Variants in SLC9A9 observed in about 807,000 individuals in gnomAD.
SLC9A9 encodes sodium/hydrogen exchanger 9.
Under a neutral mutation model 77.8 loss-of-function variants are expected in SLC9A9, and 62 were observed. That is an observed-to-expected ratio of 0.80 (90% CI 0.65 to 0.98). The LOEUF (loss-of-function observed/expected upper bound fraction) is 0.98. SLC9A9 is among the 50% of genes least tolerant of loss of function. The pLI, the probability that SLC9A9 is intolerant of heterozygous loss-of-function variation, is 0.00. For synonymous variants in SLC9A9, 320 were observed against 283.5 expected (o/e 1.13, Z -1.29); for missense variants, 775 against 774.9 (o/e 1.00, Z 0.00).
chr3:143,640,724 G>A (rs558428649), intron 6 of SLC9A9, among the ~76,000 whole-genome samples: 1 of 151,996 alleles, frequency 6.6e-6, no homozygotes, highest in South Asian at 2.1e-4. Flanking sequence ...AGCCTGGTGT[G>A]GTCTGTGGTC....
At chr3:143,787,318 A>T (rs1257989760) in intron 4 of SLC9A9, among the ~76,000 whole-genome samples, 2 of 152,200 alleles carry the variant, frequency 1.3e-5, no homozygotes, top group Non-Finnish European at 2.9e-5. Context: ...ATACCTAGAA[A>T]CATACCCCAA....
chr3:143,339,264 G>A (rs936367702), intron 14 of SLC9A9, among the ~76,000 whole-genome samples: 13 of 152,128 alleles, frequency 8.5e-5, no homozygotes, highest in Non-Finnish European at 1.9e-4. Flanking sequence ...GAGGTTCATC[G>A]CATGGCCCCT....
Position 143,832,069 on chromosome 3 carries a change from T to C in SLC9A9, c.328A>G (p.Ile110Val), listed in dbSNP as rs759816253. The change falls in exon 2 of 16, where the codon ATA becomes GTA. Residue 110 changes from isoleucine to valine, a missense_variant. Physicochemically the swap from Ile to Val is conservative, Grantham distance 29. Coordinates refer to ENST00000316549, the MANE Select transcript of SLC9A9 (RefSeq NM_173653.4). The stretch of plus-strand genomic sequence containing the variant: ...TGAGGATTGATGTTGTGCTGACTTA[T>C]TTCTCTTTTGTATTTATATTCATAA... ...QVYEYKYKRE[I>V]SQHNINPHQG... 4 of 1,613,168 alleles carry C rather than the reference T, an allele frequency of 2.5e-6. No homozygotes were observed. In the South Asian group the frequency reaches 4.4e-5, roughly 18 times the overall value.
At chr3:143,705,052 GATATAGATATAT>G (rs58982013) in intron 4 of SLC9A9, among the ~76,000 whole-genome samples, 1,397 of 37,408 alleles carry the variant, frequency 0.037, 35 homozygotes, top group African/African-American at 0.091. Flanking sequence ...TATAGATATA[GATATAGATATAT>G]AGATATATAT....
intron 12 of SLC9A9, among the ~76,000 whole-genome samples, chr3:143,423,738 G>T (rs1218965740): frequency 6.6e-6 from 1 of 152,140 alleles, no homozygotes; most frequent in Non-Finnish European, 1.5e-5. Context: ...ATTAATTATG[G>T]GGGGTAGAAA....
intron 1 of SLC9A9, among the ~76,000 whole-genome samples, chr3:143,842,780 A>G (rs2108899029): frequency 6.6e-6 from 1 of 152,366 alleles, no homozygotes; most frequent in South Asian, 2.1e-4. Context: ...AAGTACTAAC[A>G]GTGCTGAAAT....
chr3:143,830,234 G>A (rs1009042847), intron 2 of SLC9A9, among the ~76,000 whole-genome samples: 5 of 152,200 alleles, frequency 3.3e-5, no homozygotes, highest in African/African-American at 1.2e-4. Context: ...TACCAGCAAT[G>A]AGAGGAGGAC....
chr3:143,743,304 TA>T (rs1408695800), intron 4 of SLC9A9, among the ~76,000 whole-genome samples: 5 of 151,350 alleles, frequency 3.3e-5, no homozygotes, highest in African/African-American at 1.2e-4. Context: ...GACAGATAGA[TA>T]GATGATAGAT....
chr3:143,352,866 A>G (rs2032496112), intron 14 of SLC9A9, among the ~76,000 whole-genome samples: 1 of 152,180 alleles, frequency 6.6e-6, no homozygotes, highest in Non-Finnish European at 1.5e-5. Flanking sequence ...TCCCTGTTAG[A>G]TCAGCTTCCA....
At chr3:143,514,098 T>G (rs1422636104) in intron 9 of SLC9A9, among the ~76,000 whole-genome samples, 1 of 152,224 alleles carries the variant, frequency 6.6e-6, no homozygotes, top group African/African-American at 2.4e-5. Context: ...ATGCGGCGTT[T>G]GGTTTTTTGT....
intron 9 of SLC9A9, among the ~76,000 whole-genome samples, chr3:143,522,984 C>T (rs1290920142): frequency 1.3e-5 from 2 of 152,124 alleles, no homozygotes; most frequent in African/African-American, 4.8e-5. Flanking sequence ...TCTCATTAGG[C>T]CTTCGTGATT....
chr3:143,450,982 G>T lies in SLC9A9; in HGVS notation c.1469+16055C>A, dbSNP rs563909279. ...AGAAGAGAGAAAGGAGGCCTGAGGGGACATGAAGTGACCCCTAATGTTCAA... is the reference window on the plus strand; with the variant it reads ...AGAAGAGAGAAAGGAGGCCTGAGGGTACATGAAGTGACCCCTAATGTTCAA... On this transcript the variant is annotated intron_variant, in intron 12 of 15. Transcript: ENST00000316549. 2.6e-5 allele frequency among the ~76,000 whole-genome samples: 4 copies of T among 152,188 alleles called. No homozygotes were observed. In the South Asian group the frequency reaches 8.3e-4, roughly 32 times the overall value.
chr3:143,459,661 T>G (rs1483445698), intron 12 of SLC9A9, among the ~76,000 whole-genome samples: 1 of 152,082 alleles, frequency 6.6e-6, no homozygotes, highest in Non-Finnish European at 1.5e-5. Context: ...GCTCGAAAAT[T>G]TATAGACAAC....
intron 4 of SLC9A9, among the ~76,000 whole-genome samples, chr3:143,773,533 G>A (rs1373402937): frequency 6.7e-6 from 1 of 149,492 alleles, no homozygotes; most frequent in Non-Finnish European, 1.5e-5. Context: ...TGCCCAGGCT[G>A]GAGTGCAATG....
intron 4 of SLC9A9, among the ~76,000 whole-genome samples, chr3:143,711,578 AAT>A (rs1934196245): frequency 7.5e-6 from 1 of 132,760 alleles, no homozygotes; most frequent in African/African-American, 3.3e-5. Context: ...TTAAAAAAAA[AAT>A]TTTTTTTTTT....
intron 5 of SLC9A9, among the ~76,000 whole-genome samples, chr3:143,666,247 C>T (rs1326230255): frequency 1.3e-5 from 2 of 152,172 alleles, no homozygotes; most frequent in Admixed American, 6.5e-5. Flanking sequence ...ATGATTATCT[C>T]AATAGATGCA....
chr3:143,710,266 AT>A (rs1401469949), intron 4 of SLC9A9, among the ~76,000 whole-genome samples: 2 of 152,220 alleles, frequency 1.3e-5, no homozygotes, highest in Non-Finnish European at 2.9e-5. Flanking sequence ...AAAGTATAAA[AT>A]TCAGCCAGGC....
intron 9 of SLC9A9, among the ~76,000 whole-genome samples, chr3:143,527,481 GT>G (rs1229225533): frequency 6.6e-6 from 1 of 152,200 alleles, no homozygotes; most frequent in Non-Finnish European, 1.5e-5. Context: ...TACTTGACTA[GT>G]TGTCTTTGTG....
At chr3:143,379,958 T>A (rs966160863) in intron 13 of SLC9A9, among the ~76,000 whole-genome samples, 1 of 152,182 alleles carries the variant, frequency 6.6e-6, no homozygotes, top group Non-Finnish European at 1.5e-5. Context: ...CTGCCTCCAA[T>A]CATCCATAAA....
Sources: gnomAD v4.1 joint callset for allele counts (sites outside exome capture counted in the v4.1 genomes callset) on GRCh38, gnomAD v4.1.1 for gene constraint, MANE v1.5 for transcripts, NCBI Gene and HGNC (gene_info 2026-07-23, HGNC 2026-07-21) for gene names.